ADCY2: variants seen among roughly 807,000 people sequenced by gnomAD.
ADCY2 encodes adenylate cyclase type 2.
A neutral mutation model predicts 125.2 loss-of-function variants in ADCY2; 31 were observed. The observed-to-expected ratio is 0.25, with a 90% CI of 0.19 to 0.33. The LOEUF (loss-of-function observed/expected upper bound fraction) is 0.33. Ranked by LOEUF, ADCY2 falls within the 10% of genes least tolerant of loss-of-function variation. ADCY2 has a pLI of 1.00. For missense variants in ADCY2, 904 were observed against 1,418.2 expected (o/e 0.64, Z 5.82); for synonymous variants, 512 against 548.4 (o/e 0.93, Z 0.93).
intron 4 of ADCY2, among the ~76,000 whole-genome samples, chr5:7,665,109 G>A (rs1051425162): frequency 1.4e-4 from 22 of 151,928 alleles, no homozygotes; most frequent in African/African-American, 5.1e-4. Flanking sequence ...CAACCACCAT[G>A]GACACATGTT....
chr5:7,400,562 A>G (rs1159393011), intron 1 of ADCY2, among the ~76,000 whole-genome samples: 1 of 152,160 alleles, frequency 6.6e-6, no homozygotes, highest in Non-Finnish European at 1.5e-5. Flanking sequence ...CAGCACCCCC[A>G]ATAGGTGGAA....
At chr5:7,417,752 A>G (rs1740010657) in intron 2 of ADCY2, among the ~76,000 whole-genome samples, 1 of 152,200 alleles carries the variant, frequency 6.6e-6, no homozygotes, top group African/African-American at 2.4e-5. Context: ...AGGGCAACTT[A>G]TAGAACCTTA....
intron 3 of ADCY2, among the ~76,000 whole-genome samples, chr5:7,571,802 C>T (rs1450319609): frequency 6.6e-6 from 1 of 152,140 alleles, no homozygotes; most frequent in Non-Finnish European, 1.5e-5. Flanking sequence ...CTCCCACCCT[C>T]CAATAGGCGC....
At chr5:7,700,607 C>T (rs1353974230) in intron 7 of ADCY2, among the ~76,000 whole-genome samples, 1 of 151,640 alleles carries the variant, frequency 6.6e-6, no homozygotes, top group Non-Finnish European at 1.5e-5. Context: ...TACATCAAGT[C>T]CTGTTGTCAC....
rs529702539 is a variant in ADCY2, at chr5:7,477,328, A to C, written c.409-43410A>C. 8.5e-5 allele frequency among the ~76,000 whole-genome samples: 13 copies of C among 152,364 alleles called. No homozygotes were observed. The South Asian group carries it at 2.7e-3, about 32-fold the overall frequency. ...CTAGCCTAGTTTCTCATATGCCCTCACTATGTGCTTTAGAGTATTGTCTGC... is the reference window on the plus strand; with the variant it reads ...CTAGCCTAGTTTCTCATATGCCCTCCCTATGTGCTTTAGAGTATTGTCTGC... On this transcript the variant is annotated intron_variant, in intron 2 of 24. Coordinates refer to ENST00000338316, the MANE Select transcript of ADCY2 (RefSeq NM_020546.3).
chr5:7,661,296 C>G (rs879921263), intron 4 of ADCY2, among the ~76,000 whole-genome samples: 1 of 152,028 alleles, frequency 6.6e-6, no homozygotes, highest in Non-Finnish European at 1.5e-5. Context: ...TTTAAAAGAT[C>G]TACTTTTTAA....
intron 14 of ADCY2, among the ~76,000 whole-genome samples, chr5:7,736,363 ATTT>A (rs1254927518): frequency 6.6e-6 from 1 of 152,096 alleles, no homozygotes; most frequent in Non-Finnish European, 1.5e-5. Context: ...TATATTTTTC[ATTT>A]CTTCTTTAGT....
intron 3 of ADCY2, among the ~76,000 whole-genome samples, chr5:7,531,458 T>C (rs190013436): frequency 6.6e-6 from 1 of 152,292 alleles, no homozygotes; most frequent in African/African-American, 2.4e-5. Context: ...CTCTAACAAA[T>C]TACTACAAAC....
chr5:7,777,640 A>G (rs1265461995), intron 18 of ADCY2, among the ~76,000 whole-genome samples: 2 of 152,220 alleles, frequency 1.3e-5, no homozygotes, highest in Non-Finnish European at 1.5e-5. Flanking sequence ...TTTGTCCTGC[A>G]TGTGACTTCG....
chr5:7,724,937 T>TA (rs887305803), intron 13 of ADCY2, among the ~76,000 whole-genome samples: 10 of 151,986 alleles, frequency 6.6e-5, no homozygotes, highest in East Asian at 1.9e-4. Context: ...AGAAAAGTCT[T>TA]AAAAAAAACA....
chr5:7,483,416 T>TA (rs567638671), intron 2 of ADCY2, among the ~76,000 whole-genome samples: 27 of 145,656 alleles, frequency 1.9e-4, no homozygotes, highest in South Asian at 1.3e-3. Context: ...CTGCAGTACA[T>TA]AAAAAAAAAA....
intron 22 of ADCY2, 63 bp downstream of exon 22, chr5:7,804,755 G>A (rs2126524575): frequency 1.6e-6 from 2 of 1,231,962 alleles, no homozygotes; most frequent in South Asian, 1.2e-5. Flanking sequence ...AACCACCCTG[G>A]GACCAAAACA....
chr5:7,713,516 A>C (rs891391484), intron 11 of ADCY2, among the ~76,000 whole-genome samples: 1 of 151,972 alleles, frequency 6.6e-6, no homozygotes, highest in Non-Finnish European at 1.5e-5. Flanking sequence ...AATAAAAAGA[A>C]AAAAGTTACA....
At chr5:7,557,401 G>T (rs1188064497) in intron 3 of ADCY2, among the ~76,000 whole-genome samples, 1 of 151,986 alleles carries the variant, frequency 6.6e-6, no homozygotes, top group Admixed American at 6.6e-5. Flanking sequence ...AAGTTCAGGG[G>T]TACATGTGTA....
intron 4 of ADCY2, among the ~76,000 whole-genome samples, chr5:7,668,084 C>T (rs538566551): frequency 6.6e-6 from 1 of 152,274 alleles, no homozygotes; most frequent in East Asian, 1.9e-4. Context: ...AAAGTATGTG[C>T]TTCATTATTT....
intron 4 of ADCY2, among the ~76,000 whole-genome samples, chr5:7,650,276 TC>T (rs1229169781): frequency 6.6e-6 from 1 of 151,024 alleles, no homozygotes; most frequent in African/African-American, 2.4e-5. Context: ...TTGTCACACT[TC>T]CTTTATTTCA....
intron 5 of ADCY2, among the ~76,000 whole-genome samples, chr5:7,693,231 A>G (rs1378358378): frequency 2.0e-5 from 3 of 152,020 alleles, no homozygotes; most frequent in Non-Finnish European, 2.9e-5. Context: ...TTCCAAGGAT[A>G]TAGTTCTAAC....
intron 2 of ADCY2, among the ~76,000 whole-genome samples, chr5:7,431,146 T>G (rs1399117804): frequency 6.6e-6 from 1 of 152,184 alleles, no homozygotes; most frequent in Non-Finnish European, 1.5e-5. Context: ...TCATGATTTA[T>G]TATAAAACTA....
intron 17 of ADCY2, among the ~76,000 whole-genome samples, chr5:7,769,419 A>G (rs1035361800): frequency 1.3e-5 from 2 of 152,226 alleles, no homozygotes; most frequent in Non-Finnish European, 2.9e-5. Flanking sequence ...TTTAAAAAAT[A>G]CAAAACAGTA....
Sources: gnomAD v4.1 joint callset for allele counts (sites outside exome capture counted in the v4.1 genomes callset) on GRCh38, gnomAD v4.1.1 for gene constraint, MANE v1.5 for transcripts, NCBI Gene and HGNC (gene_info 2026-07-23, HGNC 2026-07-21) for gene names.